CDH13: variants seen among roughly 807,000 people sequenced by gnomAD.
CDH13 encodes the protein cadherin-13.
In CDH13, 24 loss-of-function variants were observed where a neutral mutation model predicts 63.8. The observed-to-expected ratio is 0.38, with a 90% CI of 0.27 to 0.53. The LOEUF (loss-of-function observed/expected upper bound fraction) is 0.53, where lower values mean the gene tolerates loss of function less well. CDH13 is among the 20% of genes least tolerant of loss of function. The pLI is 0.85. For missense variants in CDH13, 1,049 were observed against 903.1 expected (o/e 1.16, Z -2.07); for synonymous variants, 503 against 355.3 (o/e 1.42, Z -4.67).
chr16:83,282,599 G>C (rs561330284), intron 5 of CDH13, among the ~76,000 whole-genome samples: 10 of 152,304 alleles, frequency 6.6e-5, no homozygotes, highest in South Asian at 6.2e-4. Context: ...GAAAAATTTT[G>C]CAACATACAT....
intron 2 of CDH13, among the ~76,000 whole-genome samples, chr16:82,992,964 G>A (rs1352358978): frequency 6.6e-6 from 1 of 152,162 alleles, no homozygotes; most frequent in Non-Finnish European, 1.5e-5. Context: ...GTGTCCATCT[G>A]CCTCAGGATA....
At chr16:83,574,695 A>G (rs188528880) in intron 7 of CDH13, among the ~76,000 whole-genome samples, 1 of 152,240 alleles carries the variant, frequency 6.6e-6, no homozygotes, top group African/African-American at 2.4e-5. Flanking sequence ...CTCCCACTTC[A>G]GTGGTAGCTT....
rs2075308084 is a variant in CDH13, at chr16:83,542,244, CCCTATCAGAATT to C, written c.960+55601_960+55612del. On this transcript the variant is annotated intron_variant, in intron 7 of 13. Transcript: ENST00000567109. ...GAGCCTTGGTTGCACCTTAGAGTCA[CCCTATCAGAATT>C]CCTATCAGAATCTGGTTTTGTTTTT... Among the ~76,000 whole-genome samples the C allele has an allele frequency of 2.6e-5, 4 of 152,210 alleles. No individual in the cohort carries two copies. The South Asian group carries it at 8.3e-4, about 31-fold the overall frequency.
At chr16:83,728,333 A>ATGTGTGTGTGTGTGTGTG (rs1433484586) in intron 10 of CDH13, among the ~76,000 whole-genome samples, 1 of 46,850 alleles carries the variant, frequency 2.1e-5, no homozygotes, top group Non-Finnish European at 6.5e-5. Context: ...GTGTATGTGT[A>ATGTGTGTGTGTGTGTGTG]TGTGTGTGCG....
chr16:83,450,939 C>T (rs925989521), intron 6 of CDH13, among the ~76,000 whole-genome samples: 3 of 152,100 alleles, frequency 2.0e-5, no homozygotes, highest in Non-Finnish European at 4.4e-5. Context: ...GTGTGTGCGT[C>T]GGCATCCCCT....
intron 7 of CDH13, among the ~76,000 whole-genome samples, chr16:83,496,726 C>G (rs546479385): frequency 1.1e-3 from 171 of 152,200 alleles, no homozygotes; most frequent in African/African-American, 4.0e-3. Context: ...GAACAGGCGA[C>G]CTACAAAATG....
chr16:83,322,297 T>C (rs902206980), intron 5 of CDH13, among the ~76,000 whole-genome samples: 2 of 152,178 alleles, frequency 1.3e-5, no homozygotes, highest in African/African-American at 4.8e-5. Context: ...GCAGAGCGTG[T>C]GCACCCTGCA....
At chr16:82,880,786 A>C (rs1195096899) in intron 2 of CDH13, among the ~76,000 whole-genome samples, 1 of 152,212 alleles carries the variant, frequency 6.6e-6, no homozygotes, top group Admixed American at 6.5e-5. Context: ...GGTCAACTCT[A>C]GTTTTATGAT....
At chr16:82,862,240 A>G (rs1340083617) in intron 2 of CDH13, among the ~76,000 whole-genome samples, 1 of 152,194 alleles carries the variant, frequency 6.6e-6, no homozygotes, top group African/African-American at 2.4e-5. Flanking sequence ...TTACATCATG[A>G]CACCCAGAAC....
intron 2 of CDH13, among the ~76,000 whole-genome samples, chr16:82,875,713 G>C (rs923939991): frequency 6.6e-6 from 1 of 152,096 alleles, no homozygotes; most frequent in African/African-American, 2.4e-5. Flanking sequence ...TGCAAAAGGG[G>C]ACCAATAAAA....
At chr16:83,632,200 A>C (rs551974906) in intron 8 of CDH13, among the ~76,000 whole-genome samples, 1 of 151,484 alleles carries the variant, frequency 6.6e-6, no homozygotes, top group South Asian at 2.1e-4. Flanking sequence ...GGCTGTTTTT[A>C]TTTCCCTGAA....
chr16:82,787,050 A>G (rs938790755), intron 1 of CDH13, among the ~76,000 whole-genome samples: 16 of 152,180 alleles, frequency 1.1e-4, no homozygotes, highest in Non-Finnish European at 1.8e-4. Flanking sequence ...TGAAATGGAT[A>G]GCTTCCTAAA....
At chr16:83,133,326 T>C (rs892851412) in intron 4 of CDH13, among the ~76,000 whole-genome samples, 4 of 152,196 alleles carry the variant, frequency 2.6e-5, no homozygotes, top group African/African-American at 9.6e-5. Flanking sequence ...GAATGGAAAA[T>C]GTCTCCTTAA....
At chr16:83,038,970 A>C (rs999613950) in intron 3 of CDH13, among the ~76,000 whole-genome samples, 1 of 152,170 alleles carries the variant, frequency 6.6e-6, no homozygotes, top group Non-Finnish European at 1.5e-5. Flanking sequence ...TTATTCTGAC[A>C]TTGGGTTTGG....
intron 1 of CDH13, among the ~76,000 whole-genome samples, chr16:82,736,420 T>C (rs2033675702): frequency 6.6e-6 from 1 of 152,136 alleles, no homozygotes; most frequent in Non-Finnish European, 1.5e-5. Context: ...CTGTTACATG[T>C]CAGACACAAT....
intron 5 of CDH13, among the ~76,000 whole-genome samples, chr16:83,328,038 C>A (rs1036832772): frequency 1.3e-5 from 2 of 150,572 alleles, no homozygotes; most frequent in Non-Finnish European, 3.0e-5. Context: ...GAGGCTGGGG[C>A]AGGAGAATGG....
At chr16:83,754,967 T>C (rs1365789025) in intron 11 of CDH13, among the ~76,000 whole-genome samples, 1 of 152,146 alleles carries the variant, frequency 6.6e-6, no homozygotes, top group East Asian at 1.9e-4. Flanking sequence ...TTATAAAAAT[T>C]ACTTGACCTG....
chr16:82,913,716 G>A (rs568784547), intron 2 of CDH13, among the ~76,000 whole-genome samples: 1 of 151,988 alleles, frequency 6.6e-6, no homozygotes, highest in Non-Finnish European at 1.5e-5. Context: ...TCTGCGTGTG[G>A]GTACCCCATG....
At chr16:83,612,958 C>T (rs570133508) in intron 8 of CDH13, among the ~76,000 whole-genome samples, 1 of 152,078 alleles carries the variant, frequency 6.6e-6, no homozygotes, top group Non-Finnish European at 1.5e-5. Context: ...TTAAAAAATT[C>T]CTTTTATTTT....
Sources: gnomAD v4.1 joint callset for allele counts (sites outside exome capture counted in the v4.1 genomes callset) on GRCh38, gnomAD v4.1.1 for gene constraint, MANE v1.5 for transcripts, NCBI Gene and HGNC (gene_info 2026-07-23, HGNC 2026-07-21) for gene names.